The following COL5A2 variants were observed in gnomAD, a reference collection of about 807,000 sequenced individuals.
The protein encoded by COL5A2 is collagen alpha-2(V) chain.
A neutral mutation model predicts 208.2 loss-of-function variants in COL5A2; 23 were observed. The ratio of observed to expected loss-of-function variants is 0.11; its 90% CI spans 0.08 to 0.16. The LOEUF (loss-of-function observed/expected upper bound fraction) is 0.16. Among genes scored for constraint, COL5A2 ranks in the 10% least tolerant of loss-of-function variants. The pLI, the probability that COL5A2 is intolerant of heterozygous loss-of-function variation, is 1.00. For synonymous variants in COL5A2, 625 were observed against 628.5 expected (o/e 0.99, Z 0.08); for missense variants, 1,590 against 1,956.4 (o/e 0.81, Z 3.53).
At chr2:189,330,178 A>G in the COL5A2 span, among the ~76,000 whole-genome samples, 1 of 152,144 alleles carries the variant, frequency 6.6e-6, no homozygotes, top group Admixed American at 6.6e-5. Flanking sequence ...GCAGGGCAGG[A>G]GGTCTGAAAG....
chr2:189,152,143 C>T (rs559925312), intron 1 of COL5A2, among the ~76,000 whole-genome samples: 3 of 152,318 alleles, frequency 2.0e-5, no homozygotes, highest in African/African-American at 7.2e-5. Context: ...AATCCTTACA[C>T]ACTGCAAAGT....
chr2:189,278,029 T>G, the COL5A2 span, among the ~76,000 whole-genome samples: 2 of 152,114 alleles, frequency 1.3e-5, no homozygotes, highest in Non-Finnish European at 2.9e-5. Flanking sequence ...TGCCAGCAGC[T>G]GACACTGAAA....
the COL5A2 span, among the ~76,000 whole-genome samples, chr2:189,275,651 C>T: frequency 6.6e-6 from 1 of 152,050 alleles, no homozygotes; most frequent in Non-Finnish European, 1.5e-5. Context: ...CGGGCTTTCA[C>T]CATATTGGCC....
rs114823307 is a variant in COL5A2, at chr2:189,143,105, A to T, written c.98-32656T>A. On this transcript the variant is annotated intron_variant, in intron 1 of 53. Transcript: ENST00000374866. ...GTGTCAGCTACTTCATAAGCCACCA[A>T]GCCGCCTTGACTTGCCTGCATTATC... 7.6e-3 allele frequency among the ~76,000 whole-genome samples: 1,157 copies of T among 152,270 alleles called. 12 individuals are homozygous for T. Among genetic ancestry groups the T allele is most frequent in the African/African-American group, 0.026 (1,071 of 41,564 alleles).
chr2:189,075,121 A>G (rs1360106201), intron 17 of COL5A2, among the ~76,000 whole-genome samples: 2 of 152,166 alleles, frequency 1.3e-5, no homozygotes, highest in African/African-American at 4.8e-5. Context: ...CCCATTTTAT[A>G]TATTAAATAC....
chr2:189,208,845 T>A (rs1406480034), intron 1 of COL5A2, among the ~76,000 whole-genome samples: 1 of 152,184 alleles, frequency 6.6e-6, no homozygotes, highest in Admixed American at 6.5e-5. Context: ...ATCAGCTGGT[T>A]CTTTGGATTA....
intron 14 of COL5A2, 142 bp downstream of exon 14, chr2:189,079,836 T>C: frequency 2.6e-6 from 2 of 762,026 alleles, no homozygotes; most frequent in South Asian, 2.9e-5. Flanking sequence ...CACTCATCTT[T>C]GAAAAATTAT....
At chr2:189,190,852 A>G (rs13415283) in intron 1 of COL5A2, among the ~76,000 whole-genome samples, 2 of 152,218 alleles carry the variant, frequency 1.3e-5, no homozygotes, top group Non-Finnish European at 2.9e-5. Flanking sequence ...CATTTGTTAG[A>G]GAGATTACTT....
chr2:189,252,618 G>T, the COL5A2 span, among the ~76,000 whole-genome samples: 4 of 151,970 alleles, frequency 2.6e-5, no homozygotes, highest in Non-Finnish European at 4.4e-5. Context: ...GTTGTGGGGT[G>T]GGGGGAGTGG....
At chr2:189,316,226 T>C in the COL5A2 span, among the ~76,000 whole-genome samples, 1 of 152,140 alleles carries the variant, frequency 6.6e-6, no homozygotes, top group Non-Finnish European at 1.5e-5. Flanking sequence ...CCATCAATGA[T>C]AGACTGGATA....
chr2:189,207,284 C>T (rs1412588468), intron 1 of COL5A2, among the ~76,000 whole-genome samples: 3 of 151,734 alleles, frequency 2.0e-5, no homozygotes, highest in Non-Finnish European at 4.4e-5. Flanking sequence ...TCCTCTAATC[C>T]TTTTTTTTAA....
intron 16 of COL5A2, among the ~76,000 whole-genome samples, chr2:189,077,432 T>C (rs1405179772): frequency 1.3e-5 from 2 of 152,162 alleles, no homozygotes; most frequent in African/African-American, 4.8e-5. Flanking sequence ...GATATTGCAA[T>C]TTAATACCCT....
At chr2:189,205,849 G>T (rs1689137338) in intron 1 of COL5A2, among the ~76,000 whole-genome samples, 1 of 152,032 alleles carries the variant, frequency 6.6e-6, no homozygotes, top group Non-Finnish European at 1.5e-5. Flanking sequence ...ATAGAATTAG[G>T]ATATCACATT....
rs200124532 is a variant in COL5A2, at chr2:189,036,775, T to A, written c.3954A>T (p.Gly1318=). 1.4e-5 allele frequency: 23 copies of A among 1,613,362 alleles called. No homozygotes were observed. In the East Asian group the frequency reaches 4.7e-4, roughly 33 times the overall value. The change falls in exon 52 of 54, where the codon GGA becomes GGT. Residue 1318 remains glycine, a synonymous_variant. Coordinates refer to ENST00000374866, the MANE Select transcript of COL5A2 (RefSeq NM_000393.5). ...AAACTTTGATTGCATCTTCAACAGATCCTTGGTTAGGATCAATCCAGTATT... is the reference window on the plus strand; with the variant it reads ...AAACTTTGATTGCATCTTCAACAGAACCTTGGTTAGGATCAATCCAGTATT... ...SGEYWIDPNQ[G]SVEDAIKVYC...
chr2:189,272,307 T>C, the COL5A2 span, among the ~76,000 whole-genome samples: 1 of 152,082 alleles, frequency 6.6e-6, no homozygotes, highest in South Asian at 2.1e-4. Flanking sequence ...GTGGCACATA[T>C]ACACCAAAGA....
At chr2:189,161,115 C>T (rs1559131166) in intron 1 of COL5A2, among the ~76,000 whole-genome samples, 2 of 150,634 alleles carry the variant, frequency 1.3e-5, no homozygotes, top group African/African-American at 2.4e-5. Flanking sequence ...CCACCGCGCC[C>T]GGCTGTACTT....
chr2:189,081,371 A>C (rs1020731339), intron 12 of COL5A2, among the ~76,000 whole-genome samples: 1 of 152,198 alleles, frequency 6.6e-6, no homozygotes. Flanking sequence ...ATAAGCATGA[A>C]TCAATATGTC....
the COL5A2 span, among the ~76,000 whole-genome samples, chr2:189,352,540 A>G: frequency 6.6e-6 from 1 of 152,152 alleles, no homozygotes; most frequent in African/African-American, 2.4e-5. Context: ...GCATTTCTCT[A>G]ATGACCAGTG....
the COL5A2 span, among the ~76,000 whole-genome samples, chr2:189,239,045 T>C: frequency 2.6e-5 from 4 of 152,088 alleles, no homozygotes; most frequent in Admixed American, 1.3e-4. Context: ...AGGCAGGTAA[T>C]ATGAGTTAGC....
Sources: allele counts gnomAD v4.1 joint callset (sites outside exome capture counted in the v4.1 genomes callset), GRCh38; gene constraint gnomAD v4.1.1; transcripts MANE v1.5; gene names NCBI Gene and HGNC (gene_info 2026-07-23, HGNC 2026-07-21).